The following MYT1L variants were observed in gnomAD, a reference collection of about 807,000 sequenced individuals.
The protein encoded by MYT1L is myelin transcription factor 1-like protein.
A neutral mutation model predicts 126.7 loss-of-function variants in MYT1L; 12 were observed. That is an observed-to-expected ratio of 0.09 (90% CI 0.06 to 0.15). MYT1L has a LOEUF of 0.15. Ranked by LOEUF, MYT1L falls within the 10% of genes least tolerant of loss-of-function variation. The pLI is 1.00. For synonymous variants in MYT1L, 541 were observed against 604.2 expected, an observed-to-expected ratio of 0.90 and a Z score of 1.53; for missense variants, 979 against 1,585.2, an observed-to-expected ratio of 0.62 and a Z score of 6.49.
At chr2:2,121,712 G>A (rs1293610790) in intron 3 of MYT1L, among the ~76,000 whole-genome samples, 1 of 150,934 alleles carries the variant, frequency 6.6e-6, no homozygotes, top group Non-Finnish European at 1.5e-5. Flanking sequence ...GTTTCGAACT[G>A]CTGACCTCGT....
At chr2:2,257,016 C>T (rs530434408) in intron 2 of MYT1L, among the ~76,000 whole-genome samples, 7 of 152,258 alleles carry the variant, frequency 4.6e-5, no homozygotes, top group Admixed American at 2.6e-4. Flanking sequence ...CAATGTTCCC[C>T]TTGCTTCACC....
chr2:1,798,437 C>T (rs543199244), intron 23 of MYT1L, among the ~76,000 whole-genome samples: 2 of 152,350 alleles, frequency 1.3e-5, no homozygotes, highest in South Asian at 4.1e-4. Flanking sequence ...CCGTTCTTTC[C>T]TCCGCTCCCA....
intron 8 of MYT1L, among the ~76,000 whole-genome samples, chr2:1,973,135 TC>T (rs1359988285): frequency 6.6e-6 from 1 of 152,128 alleles, no homozygotes; most frequent in Admixed American, 6.5e-5. Flanking sequence ...ACTAGGAATT[TC>T]CTCTCTCTCT....
At chr2:1,935,186 G>A (rs1573733495) in intron 9 of MYT1L, among the ~76,000 whole-genome samples, 1 of 152,040 alleles carries the variant, frequency 6.6e-6, no homozygotes, top group South Asian at 2.1e-4. Context: ...TTCTAATTCT[G>A]CCCCCTGTAA....
intron 2 of MYT1L, among the ~76,000 whole-genome samples, chr2:2,194,789 T>C (rs1479157138): frequency 6.6e-6 from 1 of 152,172 alleles, no homozygotes; most frequent in African/African-American, 2.4e-5. Context: ...AAGACCAACT[T>C]TAAGCCAAGA....
At chr2:1,794,504 G>A (rs997507170) in intron 23 of MYT1L, among the ~76,000 whole-genome samples, 9 of 152,210 alleles carry the variant, frequency 5.9e-5, no homozygotes, top group Non-Finnish European at 8.8e-5. Context: ...CAGAGTAAAC[G>A]GAAGTCCAAC....
intron 22 of MYT1L, among the ~76,000 whole-genome samples, chr2:1,803,878 T>C (rs1328696669): frequency 1.3e-5 from 2 of 152,188 alleles, no homozygotes; most frequent in African/African-American, 4.8e-5. Flanking sequence ...GAGGAGGGCC[T>C]GCAAACTGAT....
At chr2:1,975,409 A>G (rs2060095131) in intron 8 of MYT1L, among the ~76,000 whole-genome samples, 1 of 152,224 alleles carries the variant, frequency 6.6e-6, no homozygotes, top group Non-Finnish European at 1.5e-5. Context: ...TGATTTCCTT[A>G]AAAATCTCTT....
intron 3 of MYT1L, among the ~76,000 whole-genome samples, chr2:2,169,269 T>TA (rs545035956): frequency 1.2e-3 from 183 of 152,310 alleles, no homozygotes; most frequent in African/African-American, 4.1e-3. Context: ...GGCAGTGTGG[T>TA]AGGAGCACAC....
intron 1 of MYT1L, among the ~76,000 whole-genome samples, chr2:2,317,940 G>C (rs1315804908): frequency 6.6e-6 from 1 of 152,196 alleles, no homozygotes; most frequent in Non-Finnish European, 1.5e-5. Flanking sequence ...AAGGGCCCAA[G>C]CCACATGCTC....
chr2:2,226,753 C>T (rs138214358), intron 2 of MYT1L, among the ~76,000 whole-genome samples: 10 of 152,276 alleles, frequency 6.6e-5, no homozygotes, highest in African/African-American at 2.2e-4. Flanking sequence ...TCCTCAGCTG[C>T]GGTGCCTCCT....
intron 8 of MYT1L, among the ~76,000 whole-genome samples, chr2:1,964,442 C>G (rs1477208501): frequency 2.0e-5 from 3 of 152,182 alleles, no homozygotes; most frequent in African/African-American, 7.2e-5. Flanking sequence ...AGGGTTGCCA[C>G]AAACCTTCAG....
intron 9 of MYT1L, among the ~76,000 whole-genome samples, chr2:1,940,261 G>C (rs145283647): frequency 0.11 from 15,617 of 148,012 alleles, 757 homozygotes; most frequent in East Asian, 0.29. Context: ...ACTGCTAGCA[G>C]GTAGGTTATC....
intron 3 of MYT1L, among the ~76,000 whole-genome samples, chr2:2,076,474 C>CATA (rs1235903477): frequency 6.6e-6 from 1 of 152,152 alleles, no homozygotes; most frequent in Non-Finnish European, 1.5e-5. Context: ...CTGACCCAGG[C>CATA]ATAATACCTA....
At chr2:2,062,905 T>G (rs756282) in intron 3 of MYT1L, among the ~76,000 whole-genome samples, 71,546 of 151,380 alleles carry the variant, frequency 0.47, 18,990 homozygotes, top group African/African-American at 0.74. Context: ...GACATATCCT[T>G]CAGCTTTTCA....
At position 1,979,623 on chromosome 2, in the gene MYT1L, C is replaced by T. The variant is rs2304009; in HGVS notation, c.56-69G>A. The T allele has an allele frequency of 0.16, 256,453 of 1,601,968 alleles. 21,271 individuals carry two copies. Among genetic ancestry groups the T allele is most frequent in the East Asian group, 0.3 (13,471 of 44,786 alleles). ...AGCGACCCTCTTCCACAGAAAATTA[C>T]CAAAAGGGTGGCATGAAAGTGGGGT... On this transcript the variant is annotated intron_variant, in intron 6 of 24. Coordinates refer to ENST00000647738, the MANE Select transcript of MYT1L (RefSeq NM_001303052.2). This position sits in a 1 kb window ranked among gnomAD's most constrained non-coding sequence, Gnocchi z 4.0.
intron 2 of MYT1L, among the ~76,000 whole-genome samples, chr2:2,210,808 T>A (rs756190325): frequency 6.6e-6 from 1 of 152,230 alleles, no homozygotes; most frequent in Non-Finnish European, 1.5e-5. Flanking sequence ...ATCTGTAGAT[T>A]TCTTTGGGTA....
chr2:1,840,145 A>C (rs916511406), intron 20 of MYT1L, among the ~76,000 whole-genome samples: 11 of 152,372 alleles, frequency 7.2e-5, no homozygotes, highest in African/African-American at 2.6e-4. Context: ...ATTTATTTGA[A>C]TAATTTATGC....
intron 9 of MYT1L, among the ~76,000 whole-genome samples, chr2:1,931,031 G>A (rs1328201470): frequency 6.6e-6 from 1 of 152,186 alleles, no homozygotes; most frequent in Non-Finnish European, 1.5e-5. Flanking sequence ...GACTTTTGGA[G>A]ATTGTGCAGG....
Sources: allele counts gnomAD v4.1 joint callset (sites outside exome capture counted in the v4.1 genomes callset), GRCh38; gene constraint gnomAD v4.1.1; non-coding constraint Gnocchi (gnomAD v3.1); transcripts MANE v1.5; gene names NCBI Gene and HGNC (gene_info 2026-07-23, HGNC 2026-07-21).